Variants in ATP7B observed in about 807,000 individuals in gnomAD.
ATP7B encodes copper-transporting ATPase 2.
Under a neutral mutation model 118.9 loss-of-function variants are expected in ATP7B, and 113 were observed. That is an observed-to-expected ratio of 0.95 (90% CI 0.82 to 1.11). ATP7B has a LOEUF of 1.11. ATP7B is among the 50% of genes most tolerant of loss of function. The pLI, the probability that ATP7B is intolerant of heterozygous loss-of-function variation, is 0.00. For synonymous variants in ATP7B, 777 were observed against 727.4 expected (o/e 1.07, Z -1.10); for missense variants, 1,867 against 1,871.4 (o/e 1.00, Z 0.04).
At position 51,957,496 on chromosome 13, in the gene ATP7B, A is replaced by G. The variant is rs1005241973; in HGVS notation, c.2447+20T>C. On this transcript the variant is annotated intron_variant, in intron 9 of 20. Transcript: ENST00000242839. ...ATTGATAGATACCAACCACAAAGAC[A>G]TTTGATAACCATAACTCACCTGATG... 1.9e-6 allele frequency: 3 copies of G among 1,606,546 alleles called. No homozygotes were observed. The South Asian group carries it at 3.3e-5, about 18-fold the overall frequency.
intron 14 of ATP7B, among the ~76,000 whole-genome samples, chr13:51,943,164 C>T (rs1019481431): frequency 3.9e-5 from 6 of 152,120 alleles, no homozygotes; most frequent in African/African-American, 7.2e-5. Context: ...CTGAGCCTGA[C>T]GCCTGGTGAT....
At chr13:51,973,513 G>A (rs1391392161) in intron 2 of ATP7B, among the ~76,000 whole-genome samples, 3 of 152,142 alleles carry the variant, frequency 2.0e-5, no homozygotes, top group African/African-American at 4.8e-5. Context: ...AAAAGAGGAA[G>A]AGCCACCTAA....
chr13:51,971,359 A>C (rs7999812), intron 2 of ATP7B, among the ~76,000 whole-genome samples: 61,895 of 152,106 alleles, frequency 0.41, 13,511 homozygotes, highest in Middle Eastern at 0.49. Flanking sequence ...ATTTAAGTAG[A>C]TGTCCTATAT....
intron 1 of ATP7B, among the ~76,000 whole-genome samples, chr13:51,976,482 G>C (rs1245316885): frequency 6.6e-6 from 1 of 152,216 alleles, no homozygotes; most frequent in Non-Finnish European, 1.5e-5. Context: ...GAATAATTAA[G>C]TAATTTGGGG....
At position 51,944,179 on chromosome 13, in the gene ATP7B, G is replaced by A; in HGVS notation, c.3173C>T (p.Ala1058Val). Reference protein sequence around the residue: ...VATLPLRKVLAVVGTAEASSE... With the variant: ...VATLPLRKVLVVVGTAEASSE... ...GCTGGCCTCCGCAGTCCCCACCACA[G>A]CCAGAACCTTCCTGAGGGGCAGTGT... is the stretch of plus-strand genomic sequence containing the variant. Residue 1058 changes from alanine to valine, a missense_variant, in exon 14 of 21, where the codon GCT (alanine) becomes GTT (valine). By Grantham distance (64) the Ala-to-Val change is moderately conservative (BLOSUM62 0). Transcript: ENST00000242839. 5 of 1,614,158 alleles carry A rather than the reference G, an allele frequency of 3.1e-6. No individual in the cohort carries two copies. Among genetic ancestry groups the A allele is most frequent in the Non-Finnish European group, 4.2e-6 (5 of 1,180,040 alleles).
At chr13:51,952,398 GC>G (rs2139317192) in intron 9 of ATP7B, among the ~76,000 whole-genome samples, 1 of 152,326 alleles carries the variant, frequency 6.6e-6, no homozygotes, top group African/African-American at 2.4e-5. Context: ...TTTACACCTT[GC>G]TTTCATTCTA....
chr13:52,004,861 G>A lies in ATP7B; in HGVS notation c.51+6426C>T, dbSNP rs141453044. Among the ~76,000 whole-genome samples the A allele has an allele frequency of 6.1e-4, 93 of 152,198 alleles. 1 individual carries two copies. The South Asian group carries it at 9.1e-3, about 15-fold the overall frequency. On this transcript the variant is annotated intron_variant, in intron 1 of 20. Transcript: ENST00000242839. The stretch of plus-strand genomic sequence containing the variant: ...GCCCCGGGTTCTCCAAGACATCCTC[G>A]GAAATCTAGATGAAAGTAGCCACAC...
At chr13:51,958,887 T>C (rs1958540162) in intron 7 of ATP7B, 1 of 357,572 alleles carries the variant, frequency 2.8e-6, no homozygotes, top group South Asian at 2.8e-5. Context: ...ATGGGCTCTA[T>C]CTATAACCCA....
intron 5 of ATP7B, 108 bp from the exon 6 acceptor site, chr13:51,962,021 A>C: frequency 1.1e-6 from 1 of 920,722 alleles, no homozygotes; most frequent in East Asian, 2.5e-5. Context: ...GTGAATCTAA[A>C]AGTGCCTCAG....
At chr13:51,980,127 AC>A (rs1484871001) in intron 1 of ATP7B, among the ~76,000 whole-genome samples, 1 of 152,316 alleles carries the variant, frequency 6.6e-6, no homozygotes, top group Admixed American at 6.5e-5. Flanking sequence ...AAAAACAAAC[AC>A]AGGTTTAGAT....
Position 51,943,100 on chromosome 13 carries a change from C to T in ATP7B, c.3244-546G>A, listed in dbSNP as rs888072203. Among the ~76,000 whole-genome samples, 4 of 152,160 alleles carry T rather than the reference C, an allele frequency of 2.6e-5. No individual in the cohort carries two copies. In the South Asian group the frequency reaches 8.3e-4, roughly 32 times the overall value. On this transcript the variant is annotated intron_variant, in intron 14 of 20. Transcript: ENST00000242839. ...GGGGTTTCTGGACTGCCCGTCCTCC[C>T]CCAGGCTGTGAGCTCCCAAAGGGTA...
chr13:52,009,024 A>G (rs1953903435), intron 1 of ATP7B, among the ~76,000 whole-genome samples: 1 of 151,152 alleles, frequency 6.6e-6, no homozygotes, highest in Non-Finnish European at 1.5e-5. Context: ...ACAGGCACAC[A>G]CCATTATGCC....
intron 1 of ATP7B, among the ~76,000 whole-genome samples, chr13:51,997,437 A>G (rs1018462854): frequency 2.6e-5 from 4 of 152,238 alleles, no homozygotes; most frequent in Admixed American, 2.6e-4. Flanking sequence ...TGTTGGGATC[A>G]TATGTCCCAC....
intron 1 of ATP7B, among the ~76,000 whole-genome samples, chr13:51,982,681 A>G (rs1205014690): frequency 2.0e-5 from 3 of 152,334 alleles, no homozygotes; most frequent in South Asian, 2.1e-4. Flanking sequence ...AGCGAGATCA[A>G]CGCAGAAGGA....
chr13:51,997,315 C>CT (rs1294243210), intron 1 of ATP7B, among the ~76,000 whole-genome samples: 1 of 152,150 alleles, frequency 6.6e-6, no homozygotes, highest in Non-Finnish European at 1.5e-5. Flanking sequence ...TTTCCGCTGC[C>CT]TTTTAAAGTG....
intron 9 of ATP7B, among the ~76,000 whole-genome samples, chr13:51,951,519 T>C (rs1958005644): frequency 6.6e-6 from 1 of 152,102 alleles, no homozygotes; most frequent in South Asian, 2.1e-4. Flanking sequence ...AGAACAAACC[T>C]GAGAGCTGTC....
chr13:52,004,087 G>A (rs1451314564), intron 1 of ATP7B, among the ~76,000 whole-genome samples: 4 of 151,880 alleles, frequency 2.6e-5, no homozygotes, highest in South Asian at 2.1e-4. Context: ...GTGAAACCCC[G>A]TCTCTACTAA....
intron 1 of ATP7B, among the ~76,000 whole-genome samples, chr13:51,994,279 T>G (rs1273655451): frequency 6.6e-6 from 1 of 152,226 alleles, no homozygotes; most frequent in Non-Finnish European, 1.5e-5. Context: ...ATGAAATTTA[T>G]AAAACTACTT....
intron 12 of ATP7B, among the ~76,000 whole-genome samples, chr13:51,948,412 A>G (rs1957797158): frequency 6.6e-6 from 1 of 152,052 alleles, no homozygotes; most frequent in Non-Finnish European, 1.5e-5. Flanking sequence ...CACACCCAGT[A>G]TGGTTTCTCA....
Sources: allele counts gnomAD v4.1 joint callset (sites outside exome capture counted in the v4.1 genomes callset), GRCh38; gene constraint gnomAD v4.1.1; transcripts MANE v1.5; gene names NCBI Gene and HGNC (gene_info 2026-07-23, HGNC 2026-07-21).